The following RELN variants were observed in gnomAD, a reference collection of about 807,000 sequenced individuals.
The protein encoded by RELN is reelin.
A neutral mutation model predicts 427.6 loss-of-function variants in RELN; 108 were observed. The ratio of observed to expected loss-of-function variants is 0.25; its 90% CI spans 0.22 to 0.30. The LOEUF (loss-of-function observed/expected upper bound fraction) is 0.30, where lower values mean the gene tolerates loss of function less well. Ranked by LOEUF, RELN falls within the 10% of genes least tolerant of loss-of-function variation. The probability of loss-of-function intolerance (pLI) is 1.00; values close to 1 mark genes in which losing one functional copy is unlikely to be tolerated. For synonymous variants in RELN, 1,524 were observed against 1,513.4 expected (o/e 1.01, Z -0.16); for missense variants, 3,715 against 4,302.8 (o/e 0.86, Z 3.82).
At chr7:103,654,293 C>T (rs573949398) in intron 12 of RELN, 88 bp from the exon 13 acceptor site, 1 of 755,706 alleles carries the variant, frequency 1.3e-6, no homozygotes, top group East Asian at 2.6e-5. Context: ...AATGAAAAAT[C>T]ATTATAGTAC....
At chr7:103,841,205 C>T (rs1216829857) in intron 2 of RELN, among the ~76,000 whole-genome samples, 1 of 152,116 alleles carries the variant, frequency 6.6e-6, no homozygotes, top group East Asian at 1.9e-4. Context: ...TCCATTGTTA[C>T]AAAATGTTTT....
intron 20 of RELN, among the ~76,000 whole-genome samples, chr7:103,627,660 A>G (rs1396134593): frequency 6.7e-6 from 1 of 149,932 alleles, no homozygotes; most frequent in African/African-American, 2.4e-5. Context: ...GCTTCAGAGA[A>G]GATCAGAAAG....
chr7:103,594,252 A>C (rs908505111), intron 26 of RELN, 69 bp downstream of exon 26: 3 of 1,440,748 alleles, frequency 2.1e-6, no homozygotes, highest in Non-Finnish European at 2.0e-6. Context: ...ATCCTTAAGG[A>C]AATGAGTTCT....
At chr7:103,837,268 T>C (rs569851454) in intron 2 of RELN, among the ~76,000 whole-genome samples, 3 of 152,326 alleles carry the variant, frequency 2.0e-5, no homozygotes, top group Admixed American at 2.0e-4. Flanking sequence ...TCAATCCCTG[T>C]GAAATCTACT....
intron 12 of RELN, 129 bp downstream of exon 12, chr7:103,661,247 G>T: frequency 1.9e-6 from 2 of 1,032,408 alleles, no homozygotes; most frequent in Non-Finnish European, 3.0e-6. Flanking sequence ...CTTCTGCTCT[G>T]TCTGGAGAGC....
intron 16 of RELN, among the ~76,000 whole-genome samples, chr7:103,642,001 T>A (rs554861261): frequency 6.6e-6 from 1 of 152,300 alleles, no homozygotes; most frequent in East Asian, 1.9e-4. Context: ...TTAAGAATTT[T>A]ATTGTCATCT....
At chr7:103,660,787 A>T (rs1191488186) in intron 12 of RELN, among the ~76,000 whole-genome samples, 4 of 152,176 alleles carry the variant, frequency 2.6e-5, no homozygotes, top group Non-Finnish European at 4.4e-5. Flanking sequence ...AAAAGGATTA[A>T]CTTTGGAGGT....
Position 103,551,357 on chromosome 7 carries a change from C to G in RELN, c.6073-61G>C, listed in dbSNP as rs362789. 54 of 1,145,966 alleles carry G rather than the reference C, an allele frequency of 4.7e-5. No homozygotes were observed. In the African/African-American group the frequency reaches 7.0e-4, roughly 15 times the overall value. 71.0% of individuals were successfully genotyped at this position (1,145,966 alleles called of 1,614,324 possible). A position where few individuals can be genotyped will look rare whatever the true frequency, so the allele number is the denominator to read the frequency against. On this transcript the variant is annotated intron_variant, in intron 40 of 64. Transcript: ENST00000428762. ...CAGAGCAACAAGCCTTGAAATGATT[C>G]ACCACTTCATTATTTTCTAGGGTCC...
At chr7:103,669,314 A>G (rs1477359948) in intron 11 of RELN, among the ~76,000 whole-genome samples, 2 of 152,212 alleles carry the variant, frequency 1.3e-5, no homozygotes, top group African/African-American at 4.8e-5. Flanking sequence ...ATGTTTTGCA[A>G]AAGTCCTGTT....
rs1443395585 is a variant in RELN, at chr7:103,786,034, T to G, written c.474-9407A>C. On this transcript the variant is annotated intron_variant, in intron 3 of 64. Transcript: ENST00000428762. ...AATTAATCATAACAAATTAGGACAG[T>G]AATGGTGTTTTCCTGCAAAGAAATC... Among the ~76,000 whole-genome samples, 3 of 152,050 alleles carry G rather than the reference T, an allele frequency of 2.0e-5. No homozygotes were observed. The East Asian group carries it at 5.8e-4, about 29-fold the overall frequency.
chr7:103,709,554 A>C (rs1283046166), intron 8 of RELN, among the ~76,000 whole-genome samples: 1 of 152,214 alleles, frequency 6.6e-6, no homozygotes, highest in African/African-American at 2.4e-5. Context: ...GAGATCACAA[A>C]GATGAACATG....
chr7:103,836,523 G>A (rs2116418000), intron 2 of RELN, among the ~76,000 whole-genome samples: 1 of 152,184 alleles, frequency 6.6e-6, no homozygotes, highest in Admixed American at 6.5e-5. Flanking sequence ...CTCTGAATTT[G>A]CCTCTCACTG....
chr7:103,508,546 C>T (rs1335021660), intron 51 of RELN, among the ~76,000 whole-genome samples: 1 of 152,166 alleles, frequency 6.6e-6, no homozygotes, highest in Non-Finnish European at 1.5e-5. Flanking sequence ...CAATATCATA[C>T]TGAATGGGCA....
At chr7:103,945,098 A>T (rs1485167767) in intron 1 of RELN, among the ~76,000 whole-genome samples, 1 of 152,164 alleles carries the variant, frequency 6.6e-6, no homozygotes, top group East Asian at 1.9e-4. Flanking sequence ...GAGTTAAACA[A>T]CTCACACAAA....
chr7:103,680,432 G>T (rs1212254345), intron 11 of RELN, among the ~76,000 whole-genome samples: 2 of 152,068 alleles, frequency 1.3e-5, no homozygotes, highest in African/African-American at 4.8e-5. Context: ...GGGAGTAAAT[G>T]AGTCTCTTGT....
At chr7:103,619,832 G>A (rs764660127) in intron 20 of RELN, among the ~76,000 whole-genome samples, 1 of 151,986 alleles carries the variant, frequency 6.6e-6, no homozygotes, top group South Asian at 2.1e-4. Flanking sequence ...TGTGGTGCCC[G>A]CCCATCTTTT....
intron 46 of RELN, among the ~76,000 whole-genome samples, chr7:103,529,243 G>A (rs1247837003): frequency 6.6e-6 from 1 of 152,122 alleles, no homozygotes; most frequent in Non-Finnish European, 1.5e-5. Flanking sequence ...TTTGTGCACA[G>A]CACCTTTCCT....
Position 103,826,282 on chromosome 7 carries a change from A to G in RELN, c.473+7255T>C, listed in dbSNP as rs113909245. Among the ~76,000 whole-genome samples the G allele has an allele frequency of 5.3e-5, 8 of 150,308 alleles. 1 individual carries two copies. Among genetic ancestry groups the G allele is most frequent in the African/African-American group, 2.0e-4 (8 of 40,994 alleles). ...TATTGTTTATAAATGATCCTGTCTC[A>G]GGTATTCTGTTACAGAAGCACAAAA... On this transcript the variant is annotated intron_variant, in intron 3 of 64. Transcript: ENST00000428762.
intron 2 of RELN, among the ~76,000 whole-genome samples, chr7:103,879,126 A>C (rs891765696): frequency 6.6e-6 from 1 of 152,218 alleles, no homozygotes; most frequent in Non-Finnish European, 1.5e-5. Context: ...TAAGAGGCTG[A>C]GCTCTGCAGT....
Sources: gnomAD v4.1 joint callset for allele counts (sites outside exome capture counted in the v4.1 genomes callset) on GRCh38, gnomAD v4.1.1 for gene constraint, MANE v1.5 for transcripts, NCBI Gene and HGNC (gene_info 2026-07-23, HGNC 2026-07-21) for gene names.